The following GALNT13 variants were observed in gnomAD, a reference collection of about 807,000 sequenced individuals.
GALNT13 encodes the protein UDP-GalNAc:polypeptide N-acetylgalactosaminyltransferase 13.
A neutral mutation model predicts 64.2 loss-of-function variants in GALNT13; 28 were observed. The ratio of observed to expected loss-of-function variants is 0.44; its 90% CI spans 0.32 to 0.60. The LOEUF (loss-of-function observed/expected upper bound fraction) is 0.60. GALNT13 is among the 20% of genes least tolerant of loss of function. GALNT13 has a pLI of 0.05. For synonymous variants in GALNT13, 214 were observed against 224.6 expected (o/e 0.95, Z 0.42); for missense variants, 577 against 669.8 (o/e 0.86, Z 1.53).
At chr2:154,038,423 G>A (rs764109000) in intron 3 of GALNT13, among the ~76,000 whole-genome samples, 107 of 152,150 alleles carry the variant, frequency 7.0e-4, no homozygotes, top group Non-Finnish European at 1.2e-3. Context: ...CAGACACATA[G>A]ACCAATAGAA....
the GALNT13 span, among the ~76,000 whole-genome samples, chr2:153,151,603 G>A: frequency 1.3e-5 from 2 of 152,072 alleles, no homozygotes; most frequent in Admixed American, 1.3e-4. Flanking sequence ...ATGATAGACT[G>A]GATTAAGAAA....
At chr2:153,519,209 C>T in the GALNT13 span, among the ~76,000 whole-genome samples, 82 of 152,202 alleles carry the variant, frequency 5.4e-4, 1 homozygote, top group East Asian at 0.013. Flanking sequence ...TCCATTTAAA[C>T]GGCTTGATTT....
At chr2:153,811,327 G>T in the GALNT13 span, among the ~76,000 whole-genome samples, 69 of 152,226 alleles carry the variant, frequency 4.5e-4, no homozygotes, top group Admixed American at 9.8e-4. Context: ...TTTCCCTTAG[G>T]AGACTGACTT....
chr2:153,437,289 A>G, the GALNT13 span, among the ~76,000 whole-genome samples: 1 of 152,070 alleles, frequency 6.6e-6, no homozygotes, highest in Non-Finnish European at 1.5e-5. Flanking sequence ...GTGCTGAAAA[A>G]AATGTATATT....
At chr2:153,174,680 A>G in the GALNT13 span, among the ~76,000 whole-genome samples, 1 of 152,236 alleles carries the variant, frequency 6.6e-6, no homozygotes, top group South Asian at 2.1e-4. Context: ...TATAAGTTCT[A>G]TTTTCTACCC....
At chr2:153,963,733 G>C (rs6748336) in intron 3 of GALNT13, among the ~76,000 whole-genome samples, 3,225 of 35,928 alleles carry the variant, frequency 0.09, 49 homozygotes, top group East Asian at 0.38. Flanking sequence ...CTCTCTCTCT[G>C]TGTGTGTGTG....
intron 4 of GALNT13, among the ~76,000 whole-genome samples, chr2:154,145,131 A>G (rs1574594164): frequency 7.3e-6 from 1 of 137,122 alleles, no homozygotes; most frequent in Non-Finnish European, 1.6e-5. Context: ...CACACACTAA[A>G]AATTTACATA....
chr2:153,581,747 T>G, the GALNT13 span, among the ~76,000 whole-genome samples: 1 of 152,122 alleles, frequency 6.6e-6, no homozygotes, highest in African/African-American at 2.4e-5. Flanking sequence ...TGTCTTACTA[T>G]TTATATAAGA....
chr2:154,190,364 A>T (rs915875560), intron 4 of GALNT13, among the ~76,000 whole-genome samples: 2 of 152,218 alleles, frequency 1.3e-5, no homozygotes, highest in African/African-American at 4.8e-5. Flanking sequence ...AGGTGAAAAT[A>T]GGTATGTAGC....
At chr2:154,249,615 C>T (rs925760200) in intron 7 of GALNT13, among the ~76,000 whole-genome samples, 2 of 152,006 alleles carry the variant, frequency 1.3e-5, no homozygotes, top group African/African-American at 2.4e-5. Flanking sequence ...TTTTTTCACC[C>T]TTCACATCTT....
At chr2:153,358,786 A>G in the GALNT13 span, among the ~76,000 whole-genome samples, 1 of 152,122 alleles carries the variant, frequency 6.6e-6, no homozygotes, top group Admixed American at 6.5e-5. Flanking sequence ...ATTTTTAAAA[A>G]CTGAAACATT....
At chr2:153,775,272 C>T in the GALNT13 span, among the ~76,000 whole-genome samples, 1 of 152,082 alleles carries the variant, frequency 6.6e-6, no homozygotes. Flanking sequence ...TTAGGGCATT[C>T]ATTTGGATAC....
intron 9 of GALNT13, among the ~76,000 whole-genome samples, chr2:154,366,359 G>T (rs16836799): frequency 2.0e-5 from 3 of 151,874 alleles, no homozygotes; most frequent in African/African-American, 7.3e-5. Context: ...CAAATTTAAG[G>T]ATGTATATGT....
chr2:154,311,449 G>C (rs923495027), intron 9 of GALNT13, among the ~76,000 whole-genome samples: 2 of 152,036 alleles, frequency 1.3e-5, no homozygotes. Flanking sequence ...GTTTCAAAAG[G>C]GGAGGGAGTA....
At chr2:154,173,565 A>G (rs1334710324) in intron 4 of GALNT13, among the ~76,000 whole-genome samples, 2 of 152,016 alleles carry the variant, frequency 1.3e-5, no homozygotes, top group African/African-American at 4.8e-5. Context: ...TAACAAAGCT[A>G]AAAAGCTTCT....
At chr2:154,036,752 A>T (rs557429386) in intron 3 of GALNT13, among the ~76,000 whole-genome samples, 1 of 152,258 alleles carries the variant, frequency 6.6e-6, no homozygotes, top group Admixed American at 6.5e-5. Flanking sequence ...GGGAAGGAAC[A>T]AAATCCTGTA....
the GALNT13 span, among the ~76,000 whole-genome samples, chr2:153,831,702 T>C: frequency 1.3e-5 from 2 of 152,158 alleles, 1 homozygote; most frequent in South Asian, 4.1e-4. Context: ...CCGTTGGTGC[T>C]ATCTCTGTGT....
the GALNT13 span, among the ~76,000 whole-genome samples, chr2:153,567,940 G>T: frequency 6.6e-6 from 1 of 152,308 alleles, no homozygotes; most frequent in African/African-American, 2.4e-5. Context: ...AGCTTACTTA[G>T]CATTTGGTTT....
intron 10 of GALNT13, among the ~76,000 whole-genome samples, chr2:154,399,445 T>C (rs1332554196): frequency 1.3e-5 from 2 of 152,144 alleles, no homozygotes; most frequent in African/African-American, 2.4e-5. Flanking sequence ...ATGTTGTCAC[T>C]AAGTCCTCAT....
Sources: allele counts gnomAD v4.1 joint callset (sites outside exome capture counted in the v4.1 genomes callset), GRCh38; gene constraint gnomAD v4.1.1; transcripts MANE v1.5; gene names NCBI Gene and HGNC (gene_info 2026-07-23, HGNC 2026-07-21).